Variants in SLC35G2 observed in about 807,000 individuals in gnomAD.
The protein encoded by SLC35G2 is solute carrier family 35 member G2, also known as transmembrane protein 22.
A neutral mutation model predicts 27.2 loss-of-function variants in SLC35G2; 20 were observed. The observed-to-expected ratio is 0.74, with a 90% CI of 0.52 to 1.07. SLC35G2 has a LOEUF of 1.07. Among genes scored for constraint, SLC35G2 ranks in the 50% least tolerant of loss-of-function variants. SLC35G2 has a pLI of 0.00. For synonymous variants in SLC35G2, 148 were observed against 165.3 expected, an observed-to-expected ratio of 0.90 and a Z score of 0.80; for missense variants, 416 against 493.3, an observed-to-expected ratio of 0.84 and a Z score of 1.48.
chr3:136,830,295 T>C (rs1466702522), intron 1 of SLC35G2, among the ~76,000 whole-genome samples: 1 of 150,844 alleles, frequency 6.6e-6, no homozygotes, highest in South Asian at 2.1e-4. Flanking sequence ...TATTATTATT[T>C]TTTTTGAGAC....
In SLC35G2 at chr3:136,855,241, A is replaced by G; in HGVS notation, c.781A>G (p.Thr261Ala). 2.5e-6 allele frequency: 4 copies of G among 1,614,204 alleles called. No individual in the cohort carries two copies. The highest frequency in any genetic ancestry group is 3.4e-6 in the Non-Finnish European group (4 of 1,180,028). The stretch of plus-strand genomic sequence containing the variant: ...GAAAGAAGCCTTTGGGTACACCATG[A>G]CTGTGATGGCTGGACTGACCACTGC... ...AWKEAFGYTM[T>A]VMAGLTTALS... Residue 261 changes from threonine to alanine, a missense_variant, in exon 2 of 2, where the codon ACT becomes GCT. By Grantham distance (58) the Thr-to-Ala change is moderately conservative. Transcript: ENST00000446465.
At position 136,832,740 on chromosome 3, in the gene SLC35G2, C is replaced by T. The variant is rs1009706251; in HGVS notation, c.-19+13112C>T. Reference sequence around the variant, plus strand: ...AGAAACAAAATCCCCCTGAACAGGACAAAGTATAGAAACTGAGGAGAGTGG... The same window carrying T: ...AGAAACAAAATCCCCCTGAACAGGATAAAGTATAGAAACTGAGGAGAGTGG... On this transcript the variant is annotated intron_variant, in intron 1 of 1. Coordinates refer to ENST00000446465, the MANE Select transcript of SLC35G2 (RefSeq NM_025246.3). Among the ~76,000 whole-genome samples the T allele has an allele frequency of 2.6e-5, 4 of 152,300 alleles. No individual in the cohort carries two copies. The South Asian group carries it at 8.3e-4, about 32-fold the overall frequency.
At chr3:136,831,287 C>G (rs548752270) in intron 1 of SLC35G2, among the ~76,000 whole-genome samples, 71 of 152,292 alleles carry the variant, frequency 4.7e-4, no homozygotes, top group Middle Eastern at 3.4e-3. Flanking sequence ...AACCAAAGCT[C>G]TGCACTACAA....
At chr3:136,822,219 T>G (rs1286602980) in intron 1 of SLC35G2, among the ~76,000 whole-genome samples, 2 of 152,194 alleles carry the variant, frequency 1.3e-5, no homozygotes, top group Non-Finnish European at 2.9e-5. Context: ...TTCTTTCTAC[T>G]TTTTGTATCC....
chr3:136,826,229 G>GAT (rs1414745478), intron 1 of SLC35G2, among the ~76,000 whole-genome samples: 1 of 151,692 alleles, frequency 6.6e-6, no homozygotes, highest in Non-Finnish European at 1.5e-5. Context: ...GTAGAGACAG[G>GAT]GGTTTCACTG....
At chr3:136,842,103 AT>A (rs1467476452) in intron 1 of SLC35G2, 1 of 152,190 alleles carries the variant, frequency 6.6e-6, no homozygotes, top group Non-Finnish European at 1.5e-5. Flanking sequence ...TACTTTTAAT[AT>A]ATTAACATTT....
rs192672248 is a variant in SLC35G2, at chr3:136,847,474, G to A, written c.-18-6969G>A. 5.5e-4 allele frequency among the ~76,000 whole-genome samples: 84 copies of A among 152,198 alleles called. 1 individual carries two copies. Among genetic ancestry groups the A allele is most frequent in the Admixed American group, 1.2e-3 (18 of 15,280 alleles). ...CAACAAGCAAGGAGAGAATTCTAAC[G>A]TATATCAGAATTAGGAGTTAATTTG... On this transcript the variant is annotated intron_variant, in intron 1 of 1. Transcript: ENST00000446465.
intron 1 of SLC35G2, among the ~76,000 whole-genome samples, chr3:136,844,487 T>A (rs1937265641): frequency 1.5e-5 from 2 of 129,942 alleles, no homozygotes; most frequent in Admixed American, 8.3e-5. Context: ...AGACTCCGTC[T>A]CAAAAAAAAA....
In SLC35G2 at chr3:136,855,069, A is replaced by G; in HGVS notation, c.609A>G (p.Thr203=). The G allele has an allele frequency of 6.2e-7, 1 of 1,614,246 alleles. No homozygotes were observed. Among genetic ancestry groups the G allele is most frequent in the Non-Finnish European group, 8.5e-7 (1 of 1,180,038 alleles). The change falls in exon 2 of 2, where the codon ACA becomes ACG. Residue 203 remains threonine (T), a synonymous_variant. Coordinates refer to ENST00000446465, the MANE Select transcript of SLC35G2 (RefSeq NM_025246.3). ...CCACTATGTGGAGAGCCACAACTAC[A>G]GTCTTCAGTGCCATTTTGGCTTTTT... ...NGTTMWRATT[T]VFSAILAFLL... is the part of the protein sequence containing the mutation.
chr3:136,849,899 G>A (rs1937571191), intron 1 of SLC35G2, among the ~76,000 whole-genome samples: 1 of 147,292 alleles, frequency 6.8e-6, no homozygotes, highest in Admixed American at 6.8e-5. Context: ...GAGGTCAGGG[G>A]TTTGAGACCA....
intron 1 of SLC35G2, among the ~76,000 whole-genome samples, chr3:136,825,241 CTTTT>C (rs71626025): frequency 7.4e-6 from 1 of 135,096 alleles, no homozygotes. Context: ...TCGTATATAA[CTTTT>C]TTTTTTTTTT....
chr3:136,850,904 G>A (rs1255663845), intron 1 of SLC35G2, among the ~76,000 whole-genome samples: 1 of 152,074 alleles, frequency 6.6e-6, no homozygotes, highest in Non-Finnish European at 1.5e-5. Flanking sequence ...AGGATTGCTT[G>A]AGCCCTGGAG....
Position 136,855,812 on chromosome 3 carries a change from A to G in SLC35G2, c.*113A>G, listed in dbSNP as rs1937998529. ...TAACTGACAGAGTGCTATAAAATAT[A>G]TAATATATACAAATGCAGAAAATTT... On this transcript the variant is annotated 3_prime_UTR_variant, in exon 2 of 2. Coordinates refer to ENST00000446465, the MANE Select transcript of SLC35G2 (RefSeq NM_025246.3). The G allele has an allele frequency of 1.3e-6, 1 of 772,858 alleles. No individual in the cohort carries two copies. Among genetic ancestry groups the G allele is most frequent in the Non-Finnish European group, 2.1e-6 (1 of 479,502 alleles). The allele number at this position is 772,858 out of a possible 1,614,324, so 47.9% of individuals were successfully genotyped here.
At chr3:136,820,186 C>A (rs1010459482) in intron 1 of SLC35G2, 1 of 152,106 alleles carries the variant, frequency 6.6e-6, no homozygotes, top group South Asian at 2.1e-4. Context: ...TAACCCCCCA[C>A]GTCCAGAGTG....
chr3:136,837,716 T>C (rs2108008768), intron 1 of SLC35G2: 1 of 152,338 alleles, frequency 6.6e-6, no homozygotes, highest in African/African-American at 2.4e-5. Context: ...ATGAATATTT[T>C]TGCATGCACA....
At position 136,819,460 on chromosome 3, in the gene SLC35G2, G is replaced by A. The variant is rs948965661; in HGVS notation, c.-187G>A. On this transcript the variant is annotated 5_prime_UTR_variant, in exon 1 of 2. The change creates a new upstream start codon in the 5' untranslated region. Transcript: ENST00000446465. ...AAGGCCGCGGGGCCCGCATTTCTCT[G>A]TGCTGCCCTCCTGGAGAACCGGGAC... 1 of 152,410 alleles carries A rather than the reference G, an allele frequency of 6.6e-6. No homozygotes were observed. The highest frequency in any genetic ancestry group is 3.4e-3 in the Middle Eastern group (1 of 296). 9.4% of individuals were successfully genotyped at this position (152,410 alleles called of 1,614,324 possible). A position where few individuals can be genotyped will look rare whatever the true frequency, so the allele number is the denominator to read the frequency against.
At chr3:136,844,999 A>G (rs1272697287) in intron 1 of SLC35G2, among the ~76,000 whole-genome samples, 1 of 152,148 alleles carries the variant, frequency 6.6e-6, no homozygotes, top group Non-Finnish European at 1.5e-5. Flanking sequence ...TAATGTGTTC[A>G]AAGCCCTTGT....
chr3:136,841,106 G>A (rs1214833876), intron 1 of SLC35G2, among the ~76,000 whole-genome samples: 1 of 151,892 alleles, frequency 6.6e-6, no homozygotes, highest in Non-Finnish European at 1.5e-5. Flanking sequence ...TGGGATTGCA[G>A]GCATGAACCA....
At chr3:136,844,786 ACTCT>A (rs1177399895) in intron 1 of SLC35G2, among the ~76,000 whole-genome samples, 5 of 135,714 alleles carry the variant, frequency 3.7e-5, no homozygotes, top group African/African-American at 5.6e-5. Context: ...CGACAGCAAG[ACTCT>A]CTGTCTCAAA....
Sources: allele counts gnomAD v4.1 joint callset (sites outside exome capture counted in the v4.1 genomes callset), GRCh38; gene constraint gnomAD v4.1.1; transcripts MANE v1.5; gene names NCBI Gene and HGNC (gene_info 2026-07-23, HGNC 2026-07-21).